ZNF107: variants seen among roughly 807,000 people sequenced by gnomAD.
ZNF107 encodes the protein zinc finger protein 107, also known as C2H2 type zinc-finger protein.
Under a neutral mutation model 12.3 loss-of-function variants are expected in ZNF107, and 19 were observed. The observed-to-expected ratio is 1.55, with a 90% confidence interval of 1.08 to 2.27. The LOEUF (loss-of-function observed/expected upper bound fraction) is 2.27, where lower values mean the gene tolerates loss of function less well. ZNF107 is among the 30% of genes most tolerant of loss of function. The pLI is 0.00. For missense variants in ZNF107, 958 were observed against 979.9 expected, an observed-to-expected ratio of 0.98 and a Z score of 0.30; for synonymous variants, 317 against 330.5, an observed-to-expected ratio of 0.96 and a Z score of 0.44.
At chr7:64,692,439 A>T (rs999785296) in intron 3 of ZNF107, among the ~76,000 whole-genome samples, 4 of 152,274 alleles carry the variant, frequency 2.6e-5, no homozygotes, top group Admixed American at 2.6e-4. Flanking sequence ...ATAGTTTGAA[A>T]TTATAAACTA....
chr7:64,667,256 T>G (rs1789039175), intron 1 of ZNF107, among the ~76,000 whole-genome samples: 1 of 151,972 alleles, frequency 6.6e-6, no homozygotes, highest in Non-Finnish European at 1.5e-5. Flanking sequence ...CAGCTTCCCC[T>G]CCCTAATTCA....
At chr7:64,687,146 G>C (rs1789949792) in intron 1 of ZNF107, 9 of 985,522 alleles carry the variant, frequency 9.1e-6, no homozygotes, top group Non-Finnish European at 1.1e-5. Context: ...AGAGTGAGCT[G>C]TTTTTCTCTT....
chr7:64,705,696 C>CTT (rs59441538), intron 3 of ZNF107, among the ~76,000 whole-genome samples: 1 of 134,986 alleles, frequency 7.4e-6, no homozygotes, highest in African/African-American at 2.7e-5. Flanking sequence ...AATTTTCTAG[C>CTT]TTTTTTTTTT....
chr7:64,691,305 C>A lies in ZNF107; in HGVS notation c.61C>A (p.Leu21Met). Residue 21 changes from leucine to methionine, a missense_variant, in exon 2 of 4, where the codon CTG becomes ATG. Physicochemically the swap from Leu to Met is conservative, Grantham distance 15. Transcript: ENST00000620827. The part of the protein sequence containing the change: ...IEFSLEEWQC[L>M]DTAQRDLYRN... ...ATTCTCTCTGGAGGAGTGGCAATGCCTGGATACTGCACAGCGGGATTTATA... is the reference window on the plus strand; with the variant it reads ...ATTCTCTCTGGAGGAGTGGCAATGCATGGATACTGCACAGCGGGATTTATA... 1 of 1,554,512 alleles carries A rather than the reference C, an allele frequency of 6.4e-7. No homozygotes were observed. The highest frequency in any genetic ancestry group is 8.7e-7 in the Non-Finnish European group (1 of 1,152,602).
rs1043583278 is a variant in ZNF107 at position 64,677,418 on chromosome 7, C to T, written c.3+11133C>T. Among the ~76,000 whole-genome samples, 10 of 151,466 alleles carry T rather than the reference C, an allele frequency of 6.6e-5. No individual in the cohort carries two copies. In the South Asian group the frequency reaches 1.0e-3, roughly 16 times the overall value. On this transcript the variant is annotated intron_variant, in intron 1 of 3. Transcript: ENST00000620827. Reference sequence around the variant, plus strand: ...AACTCATGACCTTAGGTGATCCACCCGCCTTGGCCTCTCAAAGTGCTGGGA... The same window carrying T: ...AACTCATGACCTTAGGTGATCCACCTGCCTTGGCCTCTCAAAGTGCTGGGA...
chr7:64,684,651 C>G (rs1584474340), intron 1 of ZNF107: 1 of 985,430 alleles, frequency 1.0e-6, no homozygotes, highest in Non-Finnish European at 1.2e-6. Context: ...CCCTCTTCCT[C>G]CACTCTATTT....
At chr7:64,691,133 A>G (rs1464592619) in intron 1 of ZNF107, 115 bp from the exon 2 acceptor site, 2 of 1,053,314 alleles carry the variant, frequency 1.9e-6, no homozygotes, top group Non-Finnish European at 2.3e-6. Context: ...TGGCCTCCCA[A>G]AGTGCTGGGA....
intron 3 of ZNF107, among the ~76,000 whole-genome samples, chr7:64,697,927 A>T (rs1384739000): frequency 6.6e-6 from 1 of 151,998 alleles, no homozygotes; most frequent in Non-Finnish European, 1.5e-5. Context: ...TGATCCGCCC[A>T]CCTCGGCCTC....
chr7:64,675,948 G>A (rs763703894), intron 1 of ZNF107, among the ~76,000 whole-genome samples: 10 of 152,144 alleles, frequency 6.6e-5, no homozygotes, highest in Admixed American at 1.3e-4. Context: ...TGCCTCCCGG[G>A]CTCAAGTGAT....
intron 1 of ZNF107, among the ~76,000 whole-genome samples, chr7:64,678,412 T>C (rs1462133737): frequency 1.3e-5 from 2 of 152,240 alleles, no homozygotes; most frequent in Admixed American, 1.3e-4. Flanking sequence ...GTGGAGTATG[T>C]AGTTGTTCTT....
Position 64,709,731 on chromosome 7 carries a change from C to G in ZNF107, c.*1075C>G. 2.2e-6 allele frequency: 1 copy of G among 455,830 alleles called. No individual in the cohort carries two copies. The highest frequency in any genetic ancestry group is 1.6e-5 in the South Asian group (1 of 64,478). 28.2% of individuals were successfully genotyped at this position (455,830 alleles called of 1,614,324 possible). A position where few individuals can be genotyped will look rare whatever the true frequency, so the allele number is the denominator to read the frequency against. ...AGGAATGTGGAAAAGCCATTATTAT[C>G]TGCTCAGATTTTACTCAACATTAGA... On this transcript the variant is annotated 3_prime_UTR_variant, in exon 4 of 4. Coordinates refer to ENST00000620827, the MANE Select transcript of ZNF107 (RefSeq NM_001282359.2).
chr7:64,699,755 G>A (rs1233707296), intron 3 of ZNF107, among the ~76,000 whole-genome samples: 1 of 152,010 alleles, frequency 6.6e-6, no homozygotes, highest in Non-Finnish European at 1.5e-5. Flanking sequence ...AACAGAATAC[G>A]CCAGGTGCAA....
At chr7:64,685,303 T>A (rs1789861477) in intron 1 of ZNF107, among the ~76,000 whole-genome samples, 1 of 152,198 alleles carries the variant, frequency 6.6e-6, no homozygotes, top group Non-Finnish European at 1.5e-5. Flanking sequence ...CAACTACGCC[T>A]TGCAGCTTCA....
rs139923347 is a variant in ZNF107, at chr7:64,709,987, G to A, written c.*1331G>A. The A allele has an allele frequency of 6.8e-3, 1,733 of 253,594 alleles. 32 individuals carry two copies. The highest frequency in any genetic ancestry group is 0.038 in the African/African-American group (1,594 of 42,460). The allele number at this position is 253,594 out of a possible 1,614,324, so 15.7% of individuals were successfully genotyped here. On this transcript the variant is annotated 3_prime_UTR_variant, in exon 4 of 4. Transcript: ENST00000620827. ...TAAAAATTTTACAAAAATTAGCTGC[G>A]TGTGGTGGCAGGCCCCTGTAATCCC...
chr7:64,667,376 A>G (rs948926397), intron 1 of ZNF107, among the ~76,000 whole-genome samples: 1 of 152,222 alleles, frequency 6.6e-6, no homozygotes, highest in Non-Finnish European at 1.5e-5. Context: ...CTGTTTGAAA[A>G]TATTTCCAAT....
At chr7:64,666,389 A>G (rs1789003457) in intron 1 of ZNF107, 104 bp downstream of exon 1, 1 of 1,492,426 alleles carries the variant, frequency 6.7e-7, no homozygotes. Context: ...CGCGGCCCCA[A>G]GTTCTCCTTG....
chr7:64,684,065 C>T (rs945974453), intron 1 of ZNF107, among the ~76,000 whole-genome samples: 1 of 152,118 alleles, frequency 6.6e-6, no homozygotes, highest in African/African-American at 2.4e-5. Context: ...TCTCCACACC[C>T]CATACCATCC....
At chr7:64,688,158 T>C (rs1789989712) in intron 1 of ZNF107, among the ~76,000 whole-genome samples, 1 of 152,122 alleles carries the variant, frequency 6.6e-6, no homozygotes, top group South Asian at 2.1e-4. Context: ...CTTGTATCTT[T>C]AGACCAGAAA....
chr7:64,686,745 C>T (rs1234127207), intron 1 of ZNF107: 1 of 854,232 alleles, frequency 1.2e-6, no homozygotes, highest in Non-Finnish European at 1.4e-6. Context: ...CTTCTTGAGT[C>T]AACAAGTCCC....
Sources: gnomAD v4.1 joint callset for allele counts (sites outside exome capture counted in the v4.1 genomes callset) on GRCh38, gnomAD v4.1.1 for gene constraint, MANE v1.5 for transcripts, NCBI Gene and HGNC (gene_info 2026-07-23, HGNC 2026-07-21) for gene names.